The following NTN4 variants were observed in gnomAD, a reference collection of about 807,000 sequenced individuals.
NTN4 encodes the protein netrin-4.
NTN4 carries 32 observed loss-of-function variants against 73.6 expected under a neutral mutation model. The observed-to-expected ratio is 0.44, with a 90% CI of 0.33 to 0.58. The LOEUF (loss-of-function observed/expected upper bound fraction) is 0.58, where lower values mean the gene tolerates loss of function less well. NTN4 is among the 20% of genes least tolerant of loss of function. The pLI, the probability that NTN4 is intolerant of heterozygous loss-of-function variation, is 0.04. For synonymous variants in NTN4, 258 were observed against 287.5 expected (o/e 0.90, Z 1.04); for missense variants, 654 against 798.3 (o/e 0.82, Z 2.18).
At chr12:95,738,833 A>T (rs1378742997) in intron 2 of NTN4, among the ~76,000 whole-genome samples, 2 of 152,162 alleles carry the variant, frequency 1.3e-5, no homozygotes, top group African/African-American at 4.8e-5. Context: ...GGAGAGGGTA[A>T]TAATTCAGCA....
chr12:95,667,963 C>A (rs944186739), intron 8 of NTN4, among the ~76,000 whole-genome samples: 4 of 152,014 alleles, frequency 2.6e-5, no homozygotes, highest in Non-Finnish European at 5.9e-5. Flanking sequence ...TGGGCTAGAA[C>A]CCTGATGAGA....
rs371964364 is a variant in NTN4, at chr12:95,737,997, G to C, written c.733C>G (p.Pro245Ala). 6.2e-7 allele frequency: 1 copy of C among 1,613,958 alleles called. No individual in the cohort carries two copies. Among genetic ancestry groups the C allele is most frequent in the Admixed American group, 1.7e-5 (1 of 59,980 alleles). The change falls in exon 3 of 10, where the codon CCT becomes GCT. Residue 245 changes from proline (P) to alanine (A), a missense_variant. Pro to Ala is a conservative substitution (Grantham distance 27). Transcript: ENST00000343702. ...ATTGCATAGTGTGTAAAATGTTGAG[G>C]CTCTTCGTTCAGGTCATTTCTCTGA... ...PCQRNDLNEEPQHFTHYAIYD... is the reference protein window; with the variant it reads ...PCQRNDLNEEAQHFTHYAIYD...
At chr12:95,732,065 C>T (rs778257863) in intron 3 of NTN4, among the ~76,000 whole-genome samples, 3 of 152,162 alleles carry the variant, frequency 2.0e-5, no homozygotes, top group African/African-American at 4.8e-5. Context: ...AACTAATTTA[C>T]AGATGTACAT....
At chr12:95,671,492 C>T (rs2078230086) in intron 7 of NTN4, among the ~76,000 whole-genome samples, 3 of 152,104 alleles carry the variant, frequency 2.0e-5, no homozygotes, top group South Asian at 2.1e-4. Context: ...AGATGAGCAG[C>T]GGCATTAGAT....
In NTN4 at chr12:95,704,119, T is replaced by C. The variant is rs116479230; in HGVS notation, c.1180+6322A>G. ...ACTCTGAACCTTTAATATGATTCAATAGCTCTGGGGTAGGATCAGAGGTTC... is the reference window on the plus strand; with the variant it reads ...ACTCTGAACCTTTAATATGATTCAACAGCTCTGGGGTAGGATCAGAGGTTC... On this transcript the variant is annotated intron_variant, in intron 5 of 9. Transcript: ENST00000343702. Among the ~76,000 whole-genome samples, 330 of 152,178 alleles carry C rather than the reference T, an allele frequency of 2.2e-3. 3 individuals carry two copies. Among genetic ancestry groups the C allele is most frequent in the African/African-American group, 7.4e-3 (306 of 41,508 alleles).
At chr12:95,705,587 A>G (rs2078516601) in intron 5 of NTN4, among the ~76,000 whole-genome samples, 1 of 152,116 alleles carries the variant, frequency 6.6e-6, no homozygotes. Context: ...TCTGATGGGA[A>G]TATCTCTACT....
intron 5 of NTN4, among the ~76,000 whole-genome samples, chr12:95,701,629 C>A (rs778190457): frequency 6.6e-6 from 1 of 152,090 alleles, no homozygotes; most frequent in Admixed American, 6.6e-5. Flanking sequence ...AGAAATAAAT[C>A]TATTGGCTAG....
intron 2 of NTN4, among the ~76,000 whole-genome samples, chr12:95,763,060 C>A (rs1181156370): frequency 1.3e-5 from 2 of 152,106 alleles, no homozygotes; most frequent in Non-Finnish European, 2.9e-5. Context: ...TGACCTTAAG[C>A]CTTTTCATAA....
chr12:95,744,037 G>T (rs1046356540), intron 2 of NTN4, among the ~76,000 whole-genome samples: 2 of 152,118 alleles, frequency 1.3e-5, no homozygotes, highest in Non-Finnish European at 2.9e-5. Flanking sequence ...AGGTAGTTGG[G>T]ATTACAGGCT....
At chr12:95,672,687 T>C (rs1219677316) in intron 7 of NTN4, 45 of 1,450,328 alleles carry the variant, frequency 3.1e-5, no homozygotes, top group Middle Eastern at 3.7e-4. Context: ...TGCTGGAGCC[T>C]GACCATCCTT....
chr12:95,750,620 T>G (rs1192532449), intron 2 of NTN4, among the ~76,000 whole-genome samples: 1 of 152,180 alleles, frequency 6.6e-6, no homozygotes, highest in African/African-American at 2.4e-5. Flanking sequence ...CATCAGTCCC[T>G]TCCTAGCCTC....
In NTN4 at chr12:95,696,599, C is replaced by T. The variant is rs150924644; in HGVS notation, c.1181-12888G>A. On this transcript the variant is annotated intron_variant, in intron 5 of 9. Coordinates refer to ENST00000343702, the MANE Select transcript of NTN4 (RefSeq NM_021229.4). The stretch of plus-strand genomic sequence containing the variant: ...CACCTTTGTTACATTAATAAATGAA[C>T]GTGCATCTTAATAAGCAACAATCAT... Among the ~76,000 whole-genome samples, 22 of 152,196 alleles carry T rather than the reference C, an allele frequency of 1.4e-4. No individual in the cohort carries two copies. In the East Asian group the frequency reaches 2.1e-3, roughly 15 times the overall value.
chr12:95,740,876 C>T (rs11108230), intron 2 of NTN4, among the ~76,000 whole-genome samples: 124,106 of 152,086 alleles, frequency 0.82, 50,956 homozygotes, highest in South Asian at 0.9. Context: ...GGGAACTTGT[C>T]AGAGATGCAA....
intron 2 of NTN4, among the ~76,000 whole-genome samples, chr12:95,746,396 C>T (rs1036278651): frequency 2.0e-4 from 31 of 151,706 alleles, no homozygotes; most frequent in African/African-American, 6.8e-4. Flanking sequence ...ACCCCCCCCT[C>T]CCCTTTCTAA....
At chr12:95,746,212 C>T (rs369323335) in intron 2 of NTN4, among the ~76,000 whole-genome samples, 3 of 152,264 alleles carry the variant, frequency 2.0e-5, no homozygotes, top group South Asian at 2.1e-4. Context: ...GATACTGTGG[C>T]GAGCAATATC....
At chr12:95,704,211 G>A (rs1001030385) in intron 5 of NTN4, among the ~76,000 whole-genome samples, 21 of 152,154 alleles carry the variant, frequency 1.4e-4, no homozygotes, top group Non-Finnish European at 1.5e-5. Context: ...CAGAGTAGCA[G>A]TTTGCTTTTC....
At chr12:95,670,521 A>C (rs1470737609) in intron 7 of NTN4, 1 of 160,432 alleles carries the variant, frequency 6.2e-6, no homozygotes, top group African/African-American at 2.4e-5. Flanking sequence ...AGTGAAATTA[A>C]ATAAACTGAT....
intron 5 of NTN4, among the ~76,000 whole-genome samples, chr12:95,684,495 G>A (rs2078346404): frequency 6.6e-6 from 1 of 151,482 alleles, no homozygotes; most frequent in Non-Finnish European, 1.5e-5. Context: ...TTTTGTAGAG[G>A]CAAGGTCTTG....
At chr12:95,664,605 A>T (rs1442173136) in intron 9 of NTN4, among the ~76,000 whole-genome samples, 4 of 121,940 alleles carry the variant, frequency 3.3e-5, no homozygotes, top group Non-Finnish European at 3.5e-5. Context: ...TAATCAATCA[A>T]AGACCGCAAA....
Sources: gnomAD v4.1 joint callset for allele counts (sites outside exome capture counted in the v4.1 genomes callset) on GRCh38, gnomAD v4.1.1 for gene constraint, MANE v1.5 for transcripts, NCBI Gene and HGNC (gene_info 2026-07-23, HGNC 2026-07-21) for gene names.